The following BCAS3 variants were observed in gnomAD, a reference collection of about 807,000 sequenced individuals.
The protein encoded by BCAS3 is BCAS4/BCAS3 fusion.
BCAS3 carries 53 observed loss-of-function variants against 116.1 expected under a neutral mutation model. The ratio of observed to expected loss-of-function variants is 0.46; its 90% CI spans 0.37 to 0.57. The LOEUF (loss-of-function observed/expected upper bound fraction) is 0.57, where lower values mean the gene tolerates loss of function less well. Among genes scored for constraint, BCAS3 ranks in the 20% least tolerant of loss-of-function variants. The pLI, the probability that BCAS3 is intolerant of heterozygous loss-of-function variation, is 0.00. For missense variants in BCAS3, 917 were observed against 1,165.4 expected (o/e 0.79, Z 3.10); for synonymous variants, 391 against 408.2 (o/e 0.96, Z 0.51).
chr17:60,760,500 T>G (rs1046713332), intron 6 of BCAS3, among the ~76,000 whole-genome samples: 2 of 151,574 alleles, frequency 1.3e-5, no homozygotes, highest in Non-Finnish European at 1.5e-5. Context: ...TTTTTTTGTT[T>G]TTTTTTTTTT....
chr17:61,160,585 A>G (rs1229935328), intron 22 of BCAS3, among the ~76,000 whole-genome samples: 1 of 152,186 alleles, frequency 6.6e-6, no homozygotes, highest in Non-Finnish European at 1.5e-5. Context: ...TTTTTTCTAA[A>G]TATCACAAAA....
chr17:60,843,869 G>A (rs191670503), intron 7 of BCAS3, among the ~76,000 whole-genome samples: 330 of 152,114 alleles, frequency 2.2e-3, no homozygotes, highest in African/African-American at 7.2e-3. Context: ...TGTTTATTTT[G>A]TGTTCAGTAG....
At chr17:61,179,743 A>G (rs2079366086) in intron 22 of BCAS3, among the ~76,000 whole-genome samples, 1 of 152,204 alleles carries the variant, frequency 6.6e-6, no homozygotes, top group Non-Finnish European at 1.5e-5. Flanking sequence ...AGAAAAGCAG[A>G]AAGACCGAAT....
chr17:60,906,542 C>T (rs1187403920), intron 11 of BCAS3, among the ~76,000 whole-genome samples: 8 of 152,132 alleles, frequency 5.3e-5, no homozygotes, highest in African/African-American at 2.4e-5. Flanking sequence ...CACTTAGTTT[C>T]TTAGCACCCT....
At chr17:60,680,161 T>C (rs1376231813) in intron 2 of BCAS3, among the ~76,000 whole-genome samples, 1 of 136,698 alleles carries the variant, frequency 7.3e-6, no homozygotes, top group Non-Finnish European at 1.6e-5. Flanking sequence ...AGAAAGAAAA[T>C]GAAATAGAAT....
chr17:60,746,868 A>T (rs2042050612), intron 5 of BCAS3, among the ~76,000 whole-genome samples: 1 of 152,166 alleles, frequency 6.6e-6, no homozygotes, highest in Non-Finnish European at 1.5e-5. Flanking sequence ...TCAGAGTAGT[A>T]TTACAGTTGT....
chr17:60,974,339 T>C (rs1284120671), intron 14 of BCAS3, among the ~76,000 whole-genome samples: 1 of 152,222 alleles, frequency 6.6e-6, no homozygotes, highest in Non-Finnish European at 1.5e-5. Flanking sequence ...GTACTTTGAC[T>C]TCAACCCATT....
intron 22 of BCAS3, among the ~76,000 whole-genome samples, chr17:61,301,630 CA>C (rs1028563136): frequency 6.6e-6 from 1 of 151,800 alleles, no homozygotes. Context: ...GACTCTGTCT[CA>C]AAAAAACAAA....
In BCAS3 at chr17:61,325,348, G is replaced by A. The variant is rs774900129; in HGVS notation, c.2426-42979G>A. ...CCTCCATCCTGTCCTGCACATACTC[G>A]GCGTGGCCTCTCCCCACCCTGCCCT... On this transcript the variant is annotated intron_variant, in intron 22 of 23. Coordinates refer to ENST00000407086, the MANE Select transcript of BCAS3 (RefSeq NM_017679.5). This position sits in a 1 kb window ranked among gnomAD's most constrained non-coding sequence, Gnocchi z 6.4. 1.5e-4 allele frequency among the ~76,000 whole-genome samples: 23 copies of A among 152,202 alleles called. No homozygotes were observed. The highest frequency in any genetic ancestry group is 3.2e-4 in the Non-Finnish European group (22 of 68,008).
rs982263400 is a variant in BCAS3 at position 61,068,871 on chromosome 17, C to A, written c.2030-6049C>A. Among the ~76,000 whole-genome samples, 1 of 152,050 alleles carries A rather than the reference C, an allele frequency of 6.6e-6. No homozygotes were observed. The highest frequency in any genetic ancestry group is 1.5e-5 in the Non-Finnish European group (1 of 68,008). ...TTTCTTTTTATCAAGGTTGTAAATT[C>A]TTTTTTCCATGTGAACAGGTATGTC... is the stretch of plus-strand genomic sequence containing the variant. On this transcript the variant is annotated intron_variant, in intron 19 of 23. Coordinates refer to ENST00000407086, the MANE Select transcript of BCAS3 (RefSeq NM_017679.5). This position sits in a 1 kb window ranked among gnomAD's most constrained non-coding sequence, Gnocchi z 4.3.
chr17:61,092,415 G>A (rs989781969), intron 22 of BCAS3, among the ~76,000 whole-genome samples: 31 of 152,148 alleles, frequency 2.0e-4, no homozygotes, highest in South Asian at 4.1e-4. Context: ...GGATCACAAA[G>A]TAGGCATATG....
chr17:61,264,863 T>G (rs1205381335), intron 22 of BCAS3, among the ~76,000 whole-genome samples: 1 of 152,178 alleles, frequency 6.6e-6, no homozygotes, highest in African/African-American at 2.4e-5. Flanking sequence ...CTTTCAAACA[T>G]TTTCTAAAAT....
intron 12 of BCAS3, among the ~76,000 whole-genome samples, chr17:60,919,434 T>C (rs1044855375): frequency 6.6e-6 from 1 of 152,136 alleles, no homozygotes; most frequent in Non-Finnish European, 1.5e-5. Flanking sequence ...TAAGTGATTC[T>C]TCTGCTCAGC....
At chr17:60,810,541 T>G in intron 7 of BCAS3, 1 of 869,090 alleles carries the variant, frequency 1.2e-6, no homozygotes, top group African/African-American at 1.7e-5. Context: ...GGTCAGAGAC[T>G]GGAGCCATTA....
rs1317124411 is a variant in BCAS3, at chr17:60,778,170, TC to T, written c.404-29833del. Among the ~76,000 whole-genome samples, 4 of 152,024 alleles carry T rather than the reference TC, an allele frequency of 2.6e-5. No individual in the cohort carries two copies. In the East Asian group the frequency reaches 7.7e-4, roughly 29 times the overall value. ...TTTCAGTTTGGATGAAGTCCAATTA[TC>T]TTTTTTTTTTTATTTTATCAGTTGT... On this transcript the variant is annotated intron_variant, in intron 6 of 23. Transcript: ENST00000407086.
chr17:61,221,345 T>A (rs1039719198), intron 22 of BCAS3, among the ~76,000 whole-genome samples: 1 of 152,174 alleles, frequency 6.6e-6, no homozygotes, highest in African/African-American at 2.4e-5. Flanking sequence ...CCATCCACAG[T>A]GTTGCAGGCT....
rs576576771 is a variant in BCAS3, at chr17:61,356,084, T to A, written c.2426-12243T>A. ...ATCTCGGCCCACTGCAACCTCCGCC[T>A]CCCGGGTTCAAGTGATTCTCCTGCC... On this transcript the variant is annotated intron_variant, in intron 22 of 23. Transcript: ENST00000407086. The surrounding 1 kb of genome is among the most constrained non-coding windows in gnomAD (Gnocchi z 5.4). Among the ~76,000 whole-genome samples, 1 of 152,280 alleles carries A rather than the reference T, an allele frequency of 6.6e-6. No individual in the cohort carries two copies. Among genetic ancestry groups the A allele is most frequent in the Non-Finnish European group, 1.5e-5 (1 of 67,998 alleles).
intron 7 of BCAS3, among the ~76,000 whole-genome samples, chr17:60,849,278 GTTC>G (rs1279316360): frequency 1.3e-5 from 2 of 150,208 alleles, no homozygotes; most frequent in African/African-American, 2.5e-5. Context: ...TCTGTGTTCA[GTTC>G]TTTTTTTTTT....
At chr17:60,757,175 G>A (rs1158090521) in intron 6 of BCAS3, among the ~76,000 whole-genome samples, 2 of 151,010 alleles carry the variant, frequency 1.3e-5, no homozygotes, top group Non-Finnish European at 3.0e-5. Flanking sequence ...AAAAAAAAAA[G>A]GAGTTCCCTT....
Sources: allele counts gnomAD v4.1 joint callset (sites outside exome capture counted in the v4.1 genomes callset), GRCh38; gene constraint gnomAD v4.1.1; non-coding constraint Gnocchi (gnomAD v3.1); transcripts MANE v1.5; gene names NCBI Gene and HGNC (gene_info 2026-07-23, HGNC 2026-07-21).